The following KIZ variants were observed in gnomAD, a reference collection of about 807,000 sequenced individuals.
KIZ encodes the protein kizuna centrosomal protein.
Under a neutral mutation model 79.6 loss-of-function variants are expected in KIZ, and 68 were observed. The observed-to-expected ratio is 0.85, with a 90% CI of 0.70 to 1.05. KIZ has a LOEUF of 1.05. KIZ is among the 50% of genes least tolerant of loss of function. KIZ has a pLI of 0.00. For missense variants in KIZ, 797 were observed against 800.4 expected (o/e 1.00, Z 0.05); for synonymous variants, 280 against 281.8 (o/e 0.99, Z 0.06).
chr20:21,150,171 G>T lies in KIZ; in HGVS notation c.405+4517G>T, dbSNP rs934667965. 2.0e-5 allele frequency among the ~76,000 whole-genome samples: 3 copies of T among 152,216 alleles called. No individual in the cohort carries two copies. In the East Asian group the frequency reaches 5.8e-4, roughly 29 times the overall value. On this transcript the variant is annotated intron_variant, in intron 4 of 12. Coordinates refer to ENST00000619189, the MANE Select transcript of KIZ (RefSeq NM_018474.6). The stretch of plus-strand genomic sequence containing the variant: ...TGCCACGCCTGGCTCCTCTTCTGGT[G>T]CTGCACAGCAGCTGAGAGAAACGCT...
chr20:21,132,900 G>C (rs2031943486), intron 2 of KIZ: 1 of 152,320 alleles, frequency 6.6e-6, no homozygotes, highest in Non-Finnish European at 1.5e-5. Flanking sequence ...ATGGATATAT[G>C]AGAATGACTA....
intron 6 of KIZ, among the ~76,000 whole-genome samples, chr20:21,178,390 T>C (rs2034520967): frequency 6.6e-6 from 1 of 152,156 alleles, no homozygotes; most frequent in African/African-American, 2.4e-5. Flanking sequence ...TTGTTGTTAG[T>C]GTATAGAAAC....
rs140966873 is a variant in KIZ at position 21,153,807 on chromosome 20, T to C, written c.406-8064T>C. On this transcript the variant is annotated intron_variant, in intron 4 of 12. Coordinates refer to ENST00000619189, the MANE Select transcript of KIZ (RefSeq NM_018474.6). Reference sequence around the variant, plus strand: ...CTCTGTGCATGAACTGAGAGATCATTGGTATCTCTTCCTCTTATAAGGACA... The same window carrying C: ...CTCTGTGCATGAACTGAGAGATCATCGGTATCTCTTCCTCTTATAAGGACA... 7.2e-3 allele frequency among the ~76,000 whole-genome samples: 1,089 copies of C among 152,198 alleles called. 4 individuals are homozygous for C. Among genetic ancestry groups the C allele is most frequent in the Non-Finnish European group, 8.8e-3 (601 of 67,988 alleles).
intron 1 of KIZ, among the ~76,000 whole-genome samples, chr20:21,126,782 T>C (rs2031504258): frequency 6.6e-6 from 1 of 152,170 alleles, no homozygotes; most frequent in Non-Finnish European, 1.5e-5. Context: ...GGGTTCATGA[T>C]GCCTTTGATT....
At chr20:21,183,790 C>T (rs1021136542) in intron 6 of KIZ, among the ~76,000 whole-genome samples, 18 of 152,148 alleles carry the variant, frequency 1.2e-4, no homozygotes, top group African/African-American at 4.1e-4. Flanking sequence ...CAGTGGTAGA[C>T]AGTCTTCAGG....
intron 4 of KIZ, among the ~76,000 whole-genome samples, chr20:21,160,221 C>G (rs2033590381): frequency 6.6e-6 from 1 of 152,286 alleles, no homozygotes; most frequent in South Asian, 2.1e-4. Context: ...CCCTATGGGA[C>G]AGCTGGATGC....
chr20:21,195,027 A>G (rs940537543), intron 6 of KIZ: 1 of 152,246 alleles, frequency 6.6e-6, no homozygotes, highest in African/African-American at 2.4e-5. Flanking sequence ...CTTGTTGAGA[A>G]GACTCGGCAG....
At chr20:21,135,533 A>G (rs556793989) in intron 2 of KIZ, among the ~76,000 whole-genome samples, 1 of 152,370 alleles carries the variant, frequency 6.6e-6, no homozygotes, top group South Asian at 2.1e-4. Context: ...TTGTTAAACA[A>G]CTTTGGACAT....
intron 6 of KIZ, among the ~76,000 whole-genome samples, chr20:21,191,788 G>A (rs900459147): frequency 1.3e-5 from 2 of 151,766 alleles, no homozygotes; most frequent in Non-Finnish European, 2.9e-5. Flanking sequence ...TAGTATATGA[G>A]GTTAACCAAC....
rs938939714 is a variant in KIZ at position 21,232,798 on chromosome 20, T to C, written c.1848T>C (p.Ser616=). 6.3e-7 allele frequency: 1 copy of C among 1,579,486 alleles called. No individual in the cohort carries two copies. The highest frequency in any genetic ancestry group is 8.7e-7 in the Non-Finnish European group (1 of 1,155,604). The change falls in exon 11 of 13, where the codon AGT becomes AGC. Residue 616 remains serine (S), a synonymous_variant. Transcript: ENST00000619189. The part of the protein sequence containing the change: ...KTANKIASEA[S]FSSSEGSPLS... ...CTAACAAAATTGCTTCGGAAGCTAG[T>C]TTTTCATCTAGTGAAGGAAGTCCTT...
At chr20:21,164,003 C>T (rs1389571625) in intron 6 of KIZ, among the ~76,000 whole-genome samples, 1 of 152,168 alleles carries the variant, frequency 6.6e-6, no homozygotes, top group Non-Finnish European at 1.5e-5. Flanking sequence ...AAGGCCGGGG[C>T]AGAGTGGTGT....
At chr20:21,205,649 A>T in intron 7 of KIZ, 65 bp downstream of exon 7, 1 of 659,576 alleles carries the variant, frequency 1.5e-6, no homozygotes, top group East Asian at 3.1e-5. Flanking sequence ...AAGGTTAGTA[A>T]TTTTTATTTA....
At chr20:21,187,165 A>G (rs1002963201) in intron 6 of KIZ, among the ~76,000 whole-genome samples, 1 of 152,162 alleles carries the variant, frequency 6.6e-6, no homozygotes, top group African/African-American at 2.4e-5. Flanking sequence ...CAAATTCCCA[A>G]CCATTTCAGA....
At chr20:21,204,296 T>C (rs1373592350) in intron 6 of KIZ, among the ~76,000 whole-genome samples, 5 of 150,862 alleles carry the variant, frequency 3.3e-5, no homozygotes, top group African/African-American at 9.7e-5. Context: ...TTTGTATTTT[T>C]AGTAGAGACG....
At chr20:21,224,948 G>A (rs1250312736) in intron 9 of KIZ, among the ~76,000 whole-genome samples, 1 of 151,744 alleles carries the variant, frequency 6.6e-6, no homozygotes, top group Non-Finnish European at 1.5e-5. Flanking sequence ...CTTTCTTTCT[G>A]TAGCTGTTTC....
At chr20:21,137,767 T>C in intron 3 of KIZ, among the ~76,000 whole-genome samples, 1 of 152,226 alleles carries the variant, frequency 6.6e-6, no homozygotes, top group East Asian at 1.9e-4. Context: ...TCTAAGAAGA[T>C]TAAAAATGAT....
intron 5 of KIZ, 102 bp from the exon 6 acceptor site, chr20:21,162,748 G>C (rs963819240): frequency 8.6e-6 from 8 of 935,218 alleles, no homozygotes; most frequent in Non-Finnish European, 1.3e-5. Flanking sequence ...TTGTGTGTGG[G>C]TTGCTTCTCC....
chr20:21,240,152 TCTCG>T (rs2037165317), intron 11 of KIZ, among the ~76,000 whole-genome samples: 1 of 152,148 alleles, frequency 6.6e-6, no homozygotes, highest in African/African-American at 2.4e-5. Context: ...TGAGACGGTG[TCTCG>T]CTCTGTCACC....
At chr20:21,173,340 G>T (rs938604982) in intron 6 of KIZ, among the ~76,000 whole-genome samples, 1 of 152,140 alleles carries the variant, frequency 6.6e-6, no homozygotes, top group African/African-American at 2.4e-5. Context: ...CACTTTGGGA[G>T]GCCAAGATGG....
Sources: allele counts gnomAD v4.1 joint callset (sites outside exome capture counted in the v4.1 genomes callset), GRCh38; gene constraint gnomAD v4.1.1; transcripts MANE v1.5; gene names NCBI Gene and HGNC (gene_info 2026-07-23, HGNC 2026-07-21).